The following SLC8A3 variants were observed in gnomAD, a reference collection of about 807,000 sequenced individuals.
SLC8A3 encodes solute carrier family 8 member A3.
In SLC8A3, 37 loss-of-function variants were observed where a neutral mutation model predicts 65.4. That is an observed-to-expected ratio of 0.57 (90% CI 0.44 to 0.74). The LOEUF is 0.74. Among genes scored for constraint, SLC8A3 ranks in the 30% least tolerant of loss-of-function variants. The pLI is 0.00. For missense variants in SLC8A3, 1,112 were observed against 1,172.1 expected, an observed-to-expected ratio of 0.95 and a Z score of 0.75; for synonymous variants, 461 against 444.5, an observed-to-expected ratio of 1.04 and a Z score of -0.47.
chr14:70,086,799 T>G lies in SLC8A3; in HGVS notation c.1785-25860A>C, dbSNP rs145711119. On this transcript the variant is annotated intron_variant, in intron 2 of 6. Coordinates refer to ENST00000356921, the MANE Select transcript of SLC8A3 (RefSeq NM_182932.3). ...ATTTTTGCTGGAATCTCAAGAACAA[T>G]AGGACAAGTATCTCCAGTTCCCTCT... is the stretch of plus-strand genomic sequence containing the variant. Among the ~76,000 whole-genome samples, 960 of 152,294 alleles carry G rather than the reference T, an allele frequency of 6.3e-3. 4 individuals carry two copies. Among genetic ancestry groups the G allele is most frequent in the Non-Finnish European group, 9.0e-3 (611 of 68,020 alleles).
chr14:70,146,475 A>C (rs1004205709), intron 2 of SLC8A3, among the ~76,000 whole-genome samples: 14 of 152,240 alleles, frequency 9.2e-5, no homozygotes, highest in South Asian at 2.1e-4. Context: ...AAGCCCAGCA[A>C]GGGAAAAGGA....
At chr14:70,142,652 A>G (rs1895654286) in intron 2 of SLC8A3, among the ~76,000 whole-genome samples, 1 of 152,226 alleles carries the variant, frequency 6.6e-6, no homozygotes, top group African/African-American at 2.4e-5. Context: ...TGATGATTGC[A>G]CTAGAAGAGA....
In SLC8A3 at chr14:70,069,114, A is replaced by G. The variant is rs57637646; in HGVS notation, c.1785-8175T>C. On this transcript the variant is annotated intron_variant, in intron 2 of 6. Transcript: ENST00000356921. The stretch of plus-strand genomic sequence containing the variant: ...ACAGCTATTAAGCAGCTGAGCTAGG[A>G]TTTTAGCCTATGTCCCCCTATTACA... Among the ~76,000 whole-genome samples the G allele has an allele frequency of 9.5e-3, 1,444 of 152,320 alleles. 32 individuals carry two copies. The highest frequency in any genetic ancestry group is 0.033 in the African/African-American group (1,380 of 41,566).
chr14:70,173,735 C>A (rs972792183), intron 1 of SLC8A3, among the ~76,000 whole-genome samples: 17 of 152,190 alleles, frequency 1.1e-4, no homozygotes, highest in African/African-American at 3.4e-4. Flanking sequence ...TCCGTTGTGT[C>A]ACCCGAGTCC....
In SLC8A3 at chr14:70,045,930, A is replaced by G. The variant is rs1217334259; in HGVS notation, c.*17T>C. The G allele has an allele frequency of 3.2e-6, 5 of 1,560,852 alleles. No homozygotes were observed. The highest frequency in any genetic ancestry group is 4.4e-4 in the Middle Eastern group (2 of 4,508). On this transcript the variant is annotated 3_prime_UTR_variant, in exon 7 of 7. Coordinates refer to ENST00000356921, the MANE Select transcript of SLC8A3 (RefSeq NM_182932.3). ...AGAAGTCCTAGGCCTGCCCTGCTGGAGGCTCTGTTGTGTGGCTTAGAACCC... is the reference window on the plus strand; with the variant it reads ...AGAAGTCCTAGGCCTGCCCTGCTGGGGGCTCTGTTGTGTGGCTTAGAACCC...
intron 2 of SLC8A3, among the ~76,000 whole-genome samples, chr14:70,084,559 G>A (rs926296448): frequency 1.3e-5 from 2 of 152,152 alleles, no homozygotes; most frequent in African/African-American, 4.8e-5. Flanking sequence ...AGAACACTTA[G>A]CATTTTTCTC....
At chr14:70,158,215 T>C (rs1270468220) in intron 2 of SLC8A3, among the ~76,000 whole-genome samples, 1 of 151,896 alleles carries the variant, frequency 6.6e-6, no homozygotes, top group Admixed American at 6.6e-5. Context: ...TGAAGTAGGG[T>C]GTAAGAATGG....
chr14:70,116,783 T>A (rs759219988), intron 2 of SLC8A3, among the ~76,000 whole-genome samples: 4 of 152,222 alleles, frequency 2.6e-5, no homozygotes, highest in Non-Finnish European at 5.9e-5. Flanking sequence ...GCCGAACCTC[T>A]GCCTTTAAAA....
chr14:70,065,241 G>A (rs756444910), intron 2 of SLC8A3, among the ~76,000 whole-genome samples: 8 of 152,144 alleles, frequency 5.3e-5, no homozygotes, highest in African/African-American at 1.9e-4. Context: ...CACCATTAGA[G>A]CTTTGGATGT....
intron 2 of SLC8A3, among the ~76,000 whole-genome samples, chr14:70,155,027 C>A (rs1273543442): frequency 6.7e-6 from 1 of 149,666 alleles, no homozygotes; most frequent in Admixed American, 6.8e-5. Context: ...TCAAGCGATT[C>A]TCCTGCCTCA....
intron 2 of SLC8A3, among the ~76,000 whole-genome samples, chr14:70,070,019 G>A (rs1002305943): frequency 1.3e-4 from 20 of 152,082 alleles, no homozygotes; most frequent in African/African-American, 4.3e-4. Context: ...GAGGAGAAGC[G>A]GCTTGAATGC....
chr14:70,053,822 T>C (rs1887766482), intron 3 of SLC8A3, among the ~76,000 whole-genome samples: 2 of 152,236 alleles, frequency 1.3e-5, no homozygotes, highest in Non-Finnish European at 1.5e-5. Context: ...TATTTGTTAA[T>C]TGATTGAGTC....
intron 2 of SLC8A3, among the ~76,000 whole-genome samples, chr14:70,078,124 C>T (rs1290430550): frequency 6.6e-6 from 1 of 152,188 alleles, no homozygotes; most frequent in East Asian, 1.9e-4. Context: ...CAATGCCATT[C>T]AGGGCAGGTA....
At position 70,048,900 on chromosome 14, in the gene SLC8A3, G is replaced by A. The variant is rs749296374; in HGVS notation, c.2256C>T (p.Phe752=). The A allele has an allele frequency of 9.3e-6, 15 of 1,614,048 alleles. No homozygotes were observed. The highest frequency in any genetic ancestry group is 8.0e-5 in the African/African-American group (6 of 74,914). The change falls in exon 6 of 7, where the codon TTC becomes TTT. Residue 752 remains phenylalanine, a synonymous_variant. Transcript: ENST00000356921. The stretch of plus-strand genomic sequence containing the variant: ...TGCCAATGATGAGGATGGAGACGGC[G>A]AAGCAGGCCCAGCCGTGGCAGTACT... ...PTEYCHGWAC[F]AVSILIIGML...
At chr14:70,141,952 A>G (rs1410343859) in intron 2 of SLC8A3, among the ~76,000 whole-genome samples, 2 of 152,178 alleles carry the variant, frequency 1.3e-5, no homozygotes, top group Non-Finnish European at 2.9e-5. Context: ...TAGGGTCTGT[A>G]GGTCCACCCC....
rs199662970 is a variant in SLC8A3, at chr14:70,186,693, A to G, written c.-63+1686T>C. Among the ~76,000 whole-genome samples the G allele has an allele frequency of 1.2e-4, 18 of 152,248 alleles. 1 individual carries two copies. The East Asian group carries it at 3.1e-3, about 26-fold the overall frequency. ...CTGCTGCTGGGCATTGTAGATTGCAATGAGGGGCTGGGTTGATCAGTCCAC... is the reference window on the plus strand; with the variant it reads ...CTGCTGCTGGGCATTGTAGATTGCAGTGAGGGGCTGGGTTGATCAGTCCAC... On this transcript the variant is annotated intron_variant, in intron 1 of 6. Coordinates refer to ENST00000356921, the MANE Select transcript of SLC8A3 (RefSeq NM_182932.3).
At chr14:70,068,308 T>C (rs1168883420) in intron 2 of SLC8A3, among the ~76,000 whole-genome samples, 1 of 152,180 alleles carries the variant, frequency 6.6e-6, no homozygotes, top group Non-Finnish European at 1.5e-5. Context: ...AAGGAAGAAT[T>C]CTAAGATAAT....
chr14:70,109,257 A>C (rs926762812), intron 2 of SLC8A3, among the ~76,000 whole-genome samples: 2 of 147,604 alleles, frequency 1.4e-5, no homozygotes, highest in African/African-American at 5.0e-5. Flanking sequence ...GGTTTGTTAC[A>C]TAGGTATACA....
intron 2 of SLC8A3, among the ~76,000 whole-genome samples, chr14:70,124,642 C>T (rs1040124737): frequency 1.6e-4 from 25 of 152,384 alleles, no homozygotes; most frequent in African/African-American, 5.0e-4. Context: ...CAATGCCTGA[C>T]AGGCAAGACC....
Sources: gnomAD v4.1 joint callset for allele counts (sites outside exome capture counted in the v4.1 genomes callset) on GRCh38, gnomAD v4.1.1 for gene constraint, MANE v1.5 for transcripts, NCBI Gene and HGNC (gene_info 2026-07-23, HGNC 2026-07-21) for gene names.